The following FRMPD2 variants were observed in gnomAD, a reference collection of about 807,000 sequenced individuals.
The protein encoded by FRMPD2 is FERM and PDZ domain containing 2, also known as FERM and PDZ domain-containing protein 2.
A neutral mutation model predicts 140.1 loss-of-function variants in FRMPD2; 96 were observed. The observed-to-expected ratio is 0.69, with a 90% CI of 0.58 to 0.81. The LOEUF (loss-of-function observed/expected upper bound fraction) is 0.81, where lower values mean the gene tolerates loss of function less well. FRMPD2 is among the 40% of genes least tolerant of loss of function. The probability of loss-of-function intolerance (pLI) is 0.00; values close to 1 mark genes in which losing one functional copy is unlikely to be tolerated. For synonymous variants in FRMPD2, 449 were observed against 547.6 expected (o/e 0.82, Z 2.52); for missense variants, 1,240 against 1,447.4 (o/e 0.86, Z 2.32).
At chr10:48,219,151 T>C (rs775480512) in intron 12 of FRMPD2, among the ~76,000 whole-genome samples, 90 of 152,212 alleles carry the variant, frequency 5.9e-4, no homozygotes, top group Non-Finnish European at 1.1e-3. Context: ...ATGCCAGTTC[T>C]TAGGATCTCA....
intron 15 of FRMPD2, among the ~76,000 whole-genome samples, chr10:48,195,127 A>G (rs1423252568): frequency 2.0e-5 from 3 of 152,242 alleles, no homozygotes; most frequent in African/African-American, 7.2e-5. Context: ...AAAGACACCC[A>G]GGACAAGATT....
At chr10:48,168,094 A>C (rs1198366905) in intron 27 of FRMPD2, among the ~76,000 whole-genome samples, 2 of 147,004 alleles carry the variant, frequency 1.4e-5, no homozygotes, top group African/African-American at 5.5e-5. Context: ...CACTCATTCT[A>C]TCTGTTCTAT....
At chr10:48,237,151 G>GCTCACCT (rs904297376) in intron 8 of FRMPD2, among the ~76,000 whole-genome samples, 5 of 151,308 alleles carry the variant, frequency 3.3e-5, no homozygotes, top group African/African-American at 1.2e-4. Context: ...AGCTTAAGAA[G>GCTCACCT]CTCACCTGAG....
At chr10:48,184,998 C>T in intron 18 of FRMPD2, 117 bp from the exon 19 acceptor site, 2 of 674,378 alleles carry the variant, frequency 3.0e-6, no homozygotes, top group Non-Finnish European at 5.1e-6. Flanking sequence ...CTGATAGTTA[C>T]AGTCAGGTCT....
intron 13 of FRMPD2, among the ~76,000 whole-genome samples, chr10:48,208,585 A>C (rs550893873): frequency 6.6e-6 from 1 of 152,362 alleles, no homozygotes; most frequent in African/African-American, 2.4e-5. Flanking sequence ...TAACAACTGA[A>C]ATACAGGGAA....
chr10:48,214,985 G>T (rs1244548873), intron 12 of FRMPD2, among the ~76,000 whole-genome samples: 1 of 152,226 alleles, frequency 6.6e-6, no homozygotes, highest in Non-Finnish European at 1.5e-5. Flanking sequence ...TGTGATCAAG[G>T]CAGGGAGAGA....
At chr10:48,207,444 C>G (rs957952641) in intron 13 of FRMPD2, among the ~76,000 whole-genome samples, 2 of 152,066 alleles carry the variant, frequency 1.3e-5, no homozygotes, top group Non-Finnish European at 2.9e-5. Context: ...AGAAAATGAC[C>G]ATTCATTTTG....
intron 14 of FRMPD2, 23 bp downstream of exon 14, chr10:48,206,721 GTTAT>G (rs747369142): frequency 9.4e-6 from 15 of 1,591,058 alleles, no homozygotes; most frequent in Non-Finnish European, 1.3e-5. Flanking sequence ...TGAAGTGCAG[GTTAT>G]TTATCAACTG....
intron 1 of FRMPD2, among the ~76,000 whole-genome samples, chr10:48,268,797 T>C (rs1350060144): frequency 6.6e-6 from 1 of 152,206 alleles, no homozygotes; most frequent in Non-Finnish European, 1.5e-5. Flanking sequence ...ACACAAGTAT[T>C]ACAATGGCAT....
At chr10:48,167,740 C>T (rs1370347829) in intron 27 of FRMPD2, among the ~76,000 whole-genome samples, 1 of 152,112 alleles carries the variant, frequency 6.6e-6, no homozygotes, top group African/African-American at 2.4e-5. Context: ...GGTCACATAC[C>T]ATCTAGATGT....
intron 12 of FRMPD2, among the ~76,000 whole-genome samples, chr10:48,219,663 C>T (rs1839534828): frequency 6.6e-6 from 1 of 152,174 alleles, no homozygotes; most frequent in Non-Finnish European, 1.5e-5. Flanking sequence ...CCTTGTGTCC[C>T]CATTTTAAAT....
intron 15 of FRMPD2, among the ~76,000 whole-genome samples, chr10:48,200,201 A>AAAAC (rs908478061): frequency 2.7e-5 from 4 of 146,686 alleles, no homozygotes; most frequent in African/African-American, 7.4e-5. Context: ...AATAAATAAA[A>AAAAC]CAGAGCCAAG....
intron 13 of FRMPD2, among the ~76,000 whole-genome samples, chr10:48,211,138 C>G (rs1839312541): frequency 6.6e-6 from 1 of 152,230 alleles, no homozygotes; most frequent in Admixed American, 6.5e-5. Context: ...CATGGGGCTT[C>G]CTGGGGACAA....
chr10:48,233,077 C>G (rs747526378), intron 9 of FRMPD2, among the ~76,000 whole-genome samples: 7 of 152,176 alleles, frequency 4.6e-5, no homozygotes, highest in African/African-American at 7.2e-5. Flanking sequence ...CCTGAGTATC[C>G]CCATGTCCCA....
intron 9 of FRMPD2, among the ~76,000 whole-genome samples, chr10:48,236,069 T>TTG (rs1839959874): frequency 9.6e-6 from 1 of 104,368 alleles, no homozygotes; most frequent in African/African-American, 8.7e-5. Context: ...TTGTTTTTTG[T>TTG]TTTTTTTTTT....
intron 1 of FRMPD2, among the ~76,000 whole-genome samples, chr10:48,255,957 C>T (rs916928744): frequency 3.3e-5 from 5 of 152,342 alleles, no homozygotes; most frequent in African/African-American, 1.2e-4. Flanking sequence ...CCGCAGACCT[C>T]TTAGGCCAAG....
chr10:48,249,228 G>A (rs764245695), intron 2 of FRMPD2, 50 bp from the exon 3 acceptor site: 14 of 1,587,796 alleles, frequency 8.8e-6, no homozygotes, highest in African/African-American at 1.3e-5. Flanking sequence ...TCCATCTGGG[G>A]TGCCAGCATG....
chr10:48,188,932 G>C (rs868454852), intron 16 of FRMPD2, among the ~76,000 whole-genome samples: 3 of 152,210 alleles, frequency 2.0e-5, no homozygotes, highest in Admixed American at 6.5e-5. Flanking sequence ...CAGGGGCTAG[G>C]TGGGTGGAAT....
At chr10:48,193,172 T>G (rs1838876993) in intron 15 of FRMPD2, among the ~76,000 whole-genome samples, 1 of 152,206 alleles carries the variant, frequency 6.6e-6, no homozygotes, top group Non-Finnish European at 1.5e-5. Flanking sequence ...TTTAAATGGG[T>G]GCTAACCCTA....
Sources: allele counts gnomAD v4.1 joint callset (sites outside exome capture counted in the v4.1 genomes callset), GRCh38; gene constraint gnomAD v4.1.1; transcripts MANE v1.5; gene names NCBI Gene and HGNC (gene_info 2026-07-23, HGNC 2026-07-21).